The following PHACTR4 variants were observed in gnomAD, a reference collection of about 807,000 sequenced individuals.
PHACTR4 encodes the protein protein phosphatase 1, regulatory subunit 124.
A neutral mutation model predicts 72.7 loss-of-function variants in PHACTR4; 51 were observed. The ratio of observed to expected loss-of-function variants is 0.70; its 90% CI spans 0.56 to 0.89. PHACTR4 has a LOEUF of 0.89. Among genes scored for constraint, PHACTR4 ranks in the 40% least tolerant of loss-of-function variants. The pLI, the probability that PHACTR4 is intolerant of heterozygous loss-of-function variation, is 0.00. For synonymous variants in PHACTR4, 255 were observed against 302.5 expected (o/e 0.84, Z 1.63); for missense variants, 731 against 861.8 (o/e 0.85, Z 1.90).
At chr1:28,407,190 G>A (rs573576800) in intron 1 of PHACTR4, among the ~76,000 whole-genome samples, 2 of 151,396 alleles carry the variant, frequency 1.3e-5, no homozygotes, top group African/African-American at 4.9e-5. Context: ...TGACATGGGA[G>A]GCTCACTTGA....
At chr1:28,478,143 A>T (rs1230253552) in intron 8 of PHACTR4, among the ~76,000 whole-genome samples, 1 of 152,206 alleles carries the variant, frequency 6.6e-6, no homozygotes, top group Non-Finnish European at 1.5e-5. Context: ...GAGTGAGAAC[A>T]TACAACATTT....
At chr1:28,432,072 G>A (rs920042261) in intron 2 of PHACTR4, among the ~76,000 whole-genome samples, 1 of 151,996 alleles carries the variant, frequency 6.6e-6, no homozygotes, top group Non-Finnish European at 1.5e-5. Context: ...AGCTGGGTGT[G>A]GTGGCTCACG....
At chr1:28,483,300 CA>C (rs1297655491) in intron 9 of PHACTR4, among the ~76,000 whole-genome samples, 1 of 151,916 alleles carries the variant, frequency 6.6e-6, no homozygotes, top group Non-Finnish European at 1.5e-5. Context: ...GAGGCTGAGG[CA>C]GGGGGATTGC....
chr1:28,404,260 A>AT (rs1654154472), intron 1 of PHACTR4, among the ~76,000 whole-genome samples: 1 of 114,130 alleles, frequency 8.8e-6, no homozygotes, highest in African/African-American at 3.3e-5. Context: ...TGTGTACAAG[A>AT]TTTTGTATGA....
At position 28,480,904 on chromosome 1, in the gene PHACTR4, G is replaced by A. The variant is rs543840670; in HGVS notation, c.1760+300G>A. On this transcript the variant is annotated intron_variant, in intron 9 of 13. Transcript: ENST00000373839. ...GCGTTTCGCCATGTTGGCCGGGCTG[G>A]TCTCGAACTGCTGGCCTCAAGTGAT... 2.0e-5 allele frequency among the ~76,000 whole-genome samples: 3 copies of A among 152,304 alleles called. No individual in the cohort carries two copies. In the South Asian group the frequency reaches 6.2e-4, roughly 32 times the overall value.
At position 28,421,009 on chromosome 1, in the gene PHACTR4, T is replaced by C. The variant is rs561990525; in HGVS notation, c.16+13546T>C. Among the ~76,000 whole-genome samples, 5 of 152,352 alleles carry C rather than the reference T, an allele frequency of 3.3e-5. No homozygotes were observed. In the South Asian group the frequency reaches 1.0e-3, roughly 32 times the overall value. On this transcript the variant is annotated intron_variant, in intron 2 of 13. Coordinates refer to ENST00000373839, the MANE Select transcript of PHACTR4 (RefSeq NM_001048183.3). ...ATGCCAGTTTGGTCACACTAAGTTT[T>C]GTAAGGTCTTGGGTGTATTTTTGGA...
chr1:28,396,845 C>CTTTTTTTTTTTTTTTTTTT (rs60578939), intron 1 of PHACTR4, among the ~76,000 whole-genome samples: 2 of 119,666 alleles, frequency 1.7e-5, no homozygotes, highest in African/African-American at 6.5e-5. Flanking sequence ...TTCTTTCTTT[C>CTTTTTTTTTTTTTTTTTTT]TTTTTTTTTT....
At chr1:28,478,781 G>C (rs899482064) in intron 8 of PHACTR4, among the ~76,000 whole-genome samples, 1 of 151,000 alleles carries the variant, frequency 6.6e-6, no homozygotes, top group Non-Finnish European at 1.5e-5. Flanking sequence ...AGGGTGTTTT[G>C]TTTGTTTTGT....
At chr1:28,415,010 T>C (rs1655017898) in intron 2 of PHACTR4, among the ~76,000 whole-genome samples, 1 of 152,012 alleles carries the variant, frequency 6.6e-6, no homozygotes, top group Non-Finnish European at 1.5e-5. Flanking sequence ...CCCGTAATCC[T>C]AGCACTTTGG....
intron 1 of PHACTR4, among the ~76,000 whole-genome samples, chr1:28,377,384 G>T (rs1010975167): frequency 2.1e-4 from 32 of 151,278 alleles, no homozygotes; most frequent in African/African-American, 7.0e-4. Flanking sequence ...GGTTACAGGC[G>T]TGCACCACTA....
At chr1:28,406,176 G>C (rs1457610199) in intron 1 of PHACTR4, among the ~76,000 whole-genome samples, 2 of 152,020 alleles carry the variant, frequency 1.3e-5, no homozygotes, top group Non-Finnish European at 2.9e-5. Context: ...AGGTCACTCA[G>C]AATGAAAACT....
intron 12 of PHACTR4, among the ~76,000 whole-genome samples, chr1:28,492,163 G>T (rs1009267270): frequency 6.6e-6 from 1 of 152,160 alleles, no homozygotes; most frequent in African/African-American, 2.4e-5. Flanking sequence ...CTGGCCAGGC[G>T]TGGTGGCTTA....
At chr1:28,456,617 C>G (rs554046057) in intron 2 of PHACTR4, among the ~76,000 whole-genome samples, 49 of 150,852 alleles carry the variant, frequency 3.2e-4, no homozygotes, top group Admixed American at 3.0e-3. Context: ...ACATGGCACC[C>G]TGCCCAACTA....
chr1:28,400,054 T>A (rs141097431), intron 1 of PHACTR4, among the ~76,000 whole-genome samples: 1 of 152,208 alleles, frequency 6.6e-6, no homozygotes, highest in Non-Finnish European at 1.5e-5. Context: ...GACCAGGACA[T>A]GTAGGATCTT....
intron 2 of PHACTR4, among the ~76,000 whole-genome samples, chr1:28,416,336 C>A (rs1200609805): frequency 1.3e-5 from 2 of 152,124 alleles, no homozygotes; most frequent in East Asian, 1.9e-4. Flanking sequence ...TTTACTGTTA[C>A]ATCCTACCCA....
chr1:28,379,397 C>T (rs1034281994), intron 1 of PHACTR4, among the ~76,000 whole-genome samples: 15 of 150,928 alleles, frequency 9.9e-5, no homozygotes, highest in East Asian at 2.0e-4. Context: ...CTCAGCCTCC[C>T]GGGTAGCTGG....
intron 2 of PHACTR4, among the ~76,000 whole-genome samples, chr1:28,431,191 AC>A (rs1222365185): frequency 7.5e-5 from 10 of 132,594 alleles, no homozygotes; most frequent in Non-Finnish European, 1.1e-4. Flanking sequence ...AAAAAAAAAA[AC>A]CAAAATATAT....
chr1:28,466,796 T>C, intron 6 of PHACTR4, 28 bp downstream of exon 6: 1 of 1,583,560 alleles, frequency 6.3e-7, no homozygotes, highest in Non-Finnish European at 8.6e-7. Flanking sequence ...CTTCCAGTGT[T>C]TTGGGTTTGG....
rs1358704259 is a variant in PHACTR4, at chr1:28,489,268, T to C, written c.1816+43T>C. 3 of 1,534,978 alleles carry C rather than the reference T, an allele frequency of 2.0e-6. No homozygotes were observed. In the South Asian group the frequency reaches 3.5e-5, roughly 18 times the overall value. On this transcript the variant is annotated intron_variant, in intron 10 of 13. Transcript: ENST00000373839. Reference sequence around the variant, plus strand: ...AATAAAGTTGTATAGATTTTCTTTGTATGTTTCTGACTTTAATATACATAA... The same window carrying C: ...AATAAAGTTGTATAGATTTTCTTTGCATGTTTCTGACTTTAATATACATAA...
Sources: allele counts gnomAD v4.1 joint callset (sites outside exome capture counted in the v4.1 genomes callset), GRCh38; gene constraint gnomAD v4.1.1; transcripts MANE v1.5; gene names NCBI Gene and HGNC (gene_info 2026-07-23, HGNC 2026-07-21).